The following HECW1 variants were observed in gnomAD, a reference collection of about 807,000 sequenced individuals.
The protein encoded by HECW1 is E3 ubiquitin-protein ligase HECW1.
Under a neutral mutation model 182.3 loss-of-function variants are expected in HECW1, and 61 were observed. The ratio of observed to expected loss-of-function variants is 0.33; its 90% CI spans 0.27 to 0.41. The LOEUF (loss-of-function observed/expected upper bound fraction) is 0.41. Ranked by LOEUF, HECW1 falls within the 10% of genes least tolerant of loss-of-function variation. The probability of loss-of-function intolerance (pLI) is 1.00; values close to 1 mark genes in which losing one functional copy is unlikely to be tolerated. For missense variants in HECW1, 1,739 were observed against 2,108.9 expected (o/e 0.82, Z 3.44); for synonymous variants, 859 against 832.6 (o/e 1.03, Z -0.55).
rs2077909513 is a variant in HECW1, at chr7:43,469,120, C to T, written c.3099+15C>T. On this transcript the variant is annotated intron_variant, in intron 16 of 29. Coordinates refer to ENST00000395891, the MANE Select transcript of HECW1 (RefSeq NM_015052.5). The stretch of plus-strand genomic sequence containing the variant: ...AGCAGGGAAAGGTGAGTGTGACCCA[C>T]GTGCGGGGCTTTCATCAAACAGGCT... The T allele has an allele frequency of 2.5e-6, 4 of 1,610,948 alleles. No homozygotes were observed. The highest frequency in any genetic ancestry group is 3.4e-6 in the Non-Finnish European group (4 of 1,178,272).
At chr7:43,423,384 C>G (rs975311763) in intron 8 of HECW1, among the ~76,000 whole-genome samples, 4 of 152,140 alleles carry the variant, frequency 2.6e-5, no homozygotes, top group African/African-American at 9.7e-5. Flanking sequence ...ACATAGGGGA[C>G]ACTCTTCTGT....
chr7:43,327,743 GA>G (rs1810976698), intron 5 of HECW1, among the ~76,000 whole-genome samples: 1 of 152,110 alleles, frequency 6.6e-6, no homozygotes, highest in Non-Finnish European at 1.5e-5. Context: ...AGCCCCAAGT[GA>G]AAGGGTTGGA....
chr7:43,144,925 C>G (rs1249701697), intron 2 of HECW1, among the ~76,000 whole-genome samples: 1 of 152,146 alleles, frequency 6.6e-6, no homozygotes, highest in Non-Finnish European at 1.5e-5. Context: ...TCTATTTTCT[C>G]ACTTGCTTTT....
At chr7:43,308,367 CATATA>C (rs1416571498) in intron 3 of HECW1, among the ~76,000 whole-genome samples, 17 of 104,006 alleles carry the variant, frequency 1.6e-4, no homozygotes, top group African/African-American at 5.8e-4. Flanking sequence ...TATAATATAA[CATATA>C]ATATATTTAT....
At chr7:43,405,830 T>C (rs1171139565) in intron 7 of HECW1, among the ~76,000 whole-genome samples, 1 of 152,232 alleles carries the variant, frequency 6.6e-6, no homozygotes, top group Non-Finnish European at 1.5e-5. Flanking sequence ...CAGGCTGCTA[T>C]GTTAACTTCT....
At chr7:43,442,044 G>A (rs557508284) in intron 9 of HECW1, among the ~76,000 whole-genome samples, 10 of 152,306 alleles carry the variant, frequency 6.6e-5, no homozygotes, top group South Asian at 2.1e-4. Context: ...CGATACTTTC[G>A]TGAAGCTGGC....
At chr7:43,397,160 G>A (rs896823920) in intron 7 of HECW1, among the ~76,000 whole-genome samples, 1 of 152,194 alleles carries the variant, frequency 6.6e-6, no homozygotes. Context: ...GGTCCATGTA[G>A]CAGTAGTTGA....
At chr7:43,477,405 T>C (rs2078259450) in intron 16 of HECW1, among the ~76,000 whole-genome samples, 1 of 152,226 alleles carries the variant, frequency 6.6e-6, no homozygotes, top group African/African-American at 2.4e-5. Flanking sequence ...AGCATGTATT[T>C]GAATAATGAA....
At chr7:43,407,892 C>T (rs2075665040) in intron 8 of HECW1, among the ~76,000 whole-genome samples, 161 bp downstream of exon 8, 1 of 152,180 alleles carries the variant, frequency 6.6e-6, no homozygotes, top group Non-Finnish European at 1.5e-5. Context: ...GGGGTTGCAA[C>T]TCAGGGATCT....
chr7:43,489,836 A>T (rs1423974174), intron 17 of HECW1, among the ~76,000 whole-genome samples: 1 of 152,198 alleles, frequency 6.6e-6, no homozygotes, highest in African/African-American at 2.4e-5. Flanking sequence ...AATTTGCCCT[A>T]CATTACGATC....
intron 3 of HECW1, among the ~76,000 whole-genome samples, chr7:43,262,247 C>CATGTGTGT (rs138190088): frequency 6.7e-6 from 1 of 149,486 alleles, no homozygotes; most frequent in African/African-American, 2.5e-5. Flanking sequence ...TGTATGTGTG[C>CATGTGTGT]GTGTGTGTGT....
chr7:43,314,359 G>A lies in HECW1; in HGVS notation c.352+2272G>A, dbSNP rs568134380. Among the ~76,000 whole-genome samples the A allele has an allele frequency of 2.6e-5, 4 of 152,288 alleles. No homozygotes were observed. The South Asian group carries it at 6.2e-4, about 24-fold the overall frequency. On this transcript the variant is annotated intron_variant, in intron 4 of 29. Coordinates refer to ENST00000395891, the MANE Select transcript of HECW1 (RefSeq NM_015052.5). ...GTAGATTTGGGATAACAGACACCTT[G>A]GGGGTGGATAAGCTCACTCTAGTGT... is the stretch of plus-strand genomic sequence containing the variant.
intron 2 of HECW1, among the ~76,000 whole-genome samples, chr7:43,181,373 T>C (rs1302395496): frequency 1.3e-5 from 2 of 151,022 alleles, no homozygotes; most frequent in South Asian, 2.1e-4. Context: ...GTGGGATTGC[T>C]GGATCATATA....
intron 6 of HECW1, among the ~76,000 whole-genome samples, chr7:43,395,119 AT>A (rs1162158332): frequency 1.3e-5 from 2 of 152,116 alleles, no homozygotes; most frequent in African/African-American, 4.8e-5. Flanking sequence ...CTCAGGAGCA[AT>A]TTAGGGAGGG....
chr7:43,538,111 ACAGT>A (rs2081243343), intron 24 of HECW1, among the ~76,000 whole-genome samples: 1 of 152,212 alleles, frequency 6.6e-6, no homozygotes. Flanking sequence ...CTGAGTTAGA[ACAGT>A]CAGAGAATCA....
intron 28 of HECW1, 105 bp from the exon 29 acceptor site, chr7:43,554,487 C>A: frequency 2.1e-6 from 2 of 953,760 alleles, no homozygotes; most frequent in South Asian, 1.6e-5. Context: ...TCAAAAGCAG[C>A]GGTTCCGTTC....
chr7:43,164,031 G>A (rs2152659885), intron 2 of HECW1, among the ~76,000 whole-genome samples: 1 of 152,334 alleles, frequency 6.6e-6, no homozygotes, highest in South Asian at 2.1e-4. Context: ...TTCACACAGG[G>A]AGAAGAGCCA....
chr7:43,507,015 A>G (rs1247181464), intron 21 of HECW1, 122 bp from the exon 22 acceptor site: 1 of 1,199,578 alleles, frequency 8.3e-7, no homozygotes, highest in East Asian at 3.0e-5. Flanking sequence ...AGTTGCGGTA[A>G]GCCGAGAGCA....
In HECW1 at chr7:43,562,785, A is replaced by T; in HGVS notation, c.*859A>T. The T allele has an allele frequency of 4.6e-6, 1 of 216,788 alleles. No individual in the cohort carries two copies. 13.4% of individuals were successfully genotyped at this position (216,788 alleles called of 1,614,324 possible). A position where few individuals can be genotyped will look rare whatever the true frequency, so the allele number is the denominator to read the frequency against. On this transcript the variant is annotated 3_prime_UTR_variant, in exon 30 of 30. Coordinates refer to ENST00000395891, the MANE Select transcript of HECW1 (RefSeq NM_015052.5). ...ATGAGGCTTCAGCCCCCATTGTCTTATGTAGAATGTGGCAATGCCAACTGG... is the reference window on the plus strand; with the variant it reads ...ATGAGGCTTCAGCCCCCATTGTCTTTTGTAGAATGTGGCAATGCCAACTGG...
Sources: allele counts gnomAD v4.1 joint callset (sites outside exome capture counted in the v4.1 genomes callset), GRCh38; gene constraint gnomAD v4.1.1; transcripts MANE v1.5; gene names NCBI Gene and HGNC (gene_info 2026-07-23, HGNC 2026-07-21).